The following CD84 variants were observed in gnomAD, a reference collection of about 807,000 sequenced individuals.
CD84 encodes the protein SLAM family member 5.
Under a neutral mutation model 33.8 loss-of-function variants are expected in CD84, and 22 were observed. That is an observed-to-expected ratio of 0.65 (90% CI 0.46 to 0.93). CD84 has a LOEUF of 0.93. Among genes scored for constraint, CD84 ranks in the 40% least tolerant of loss-of-function variants. The probability of loss-of-function intolerance (pLI) is 0.00; values close to 1 mark genes in which losing one functional copy is unlikely to be tolerated. For synonymous variants in CD84, 154 were observed against 145.2 expected (o/e 1.06, Z -0.44); for missense variants, 400 against 397.6 (o/e 1.01, Z -0.05).
intron 3 of CD84, 88 bp downstream of exon 3, chr1:160,553,807 C>T (rs779207444): frequency 1.3e-6 from 2 of 1,588,716 alleles, no homozygotes; most frequent in South Asian, 2.3e-5. Context: ...AAGCACATCT[C>T]CCTAGAGAAT....
chr1:160,567,626 A>G (rs1657413176), intron 1 of CD84, among the ~76,000 whole-genome samples: 1 of 152,182 alleles, frequency 6.6e-6, no homozygotes, highest in South Asian at 2.1e-4. Flanking sequence ...CTAGAAAATA[A>G]GACAGATGTG....
At chr1:160,551,186 A>G (rs1315954821) in intron 4 of CD84, 151 bp from the exon 5 acceptor site, 2 of 665,228 alleles carry the variant, frequency 3.0e-6, no homozygotes, top group Non-Finnish European at 5.4e-6. Context: ...GGATCCTCAG[A>G]ATGTCTCAGG....
At chr1:160,563,678 C>A (rs1189491644) in intron 2 of CD84, among the ~76,000 whole-genome samples, 1 of 152,082 alleles carries the variant, frequency 6.6e-6, no homozygotes, top group Non-Finnish European at 1.5e-5. Context: ...GTGCAGCAAA[C>A]CACCATGGCA....
In CD84 at chr1:160,575,397, C is replaced by A. The variant is rs1356675023; in HGVS notation, c.46+3995G>T. Among the ~76,000 whole-genome samples the A allele has an allele frequency of 3.9e-5, 6 of 152,042 alleles. No individual in the cohort carries two copies. The South Asian group carries it at 1.0e-3, about 26-fold the overall frequency. On this transcript the variant is annotated intron_variant, in intron 1 of 6. Transcript: ENST00000368054. ...TCATGAGGTTTTAAGAAAAAGGAACCTACTACCCCCATGCAATAGTACATT... is the reference window on the plus strand; with the variant it reads ...TCATGAGGTTTTAAGAAAAAGGAACATACTACCCCCATGCAATAGTACATT...
At chr1:160,550,155 A>T (rs1262238387) in intron 5 of CD84, among the ~76,000 whole-genome samples, 176 bp from the exon 6 acceptor site, 1 of 151,076 alleles carries the variant, frequency 6.6e-6, no homozygotes, top group African/African-American at 2.4e-5. Context: ...TCAGGAAGGG[A>T]TAAGGTGGGG....
At position 160,569,540 on chromosome 1, in the gene CD84, ACGCACGCACG is replaced by A. The variant is rs1436424871; in HGVS notation, c.47-3805_47-3796del. On this transcript the variant is annotated intron_variant, in intron 1 of 6. Coordinates refer to ENST00000368054, the MANE Select transcript of CD84 (RefSeq NM_003874.4). ...GATACACACACACACACACACACAC[ACGCACGCACG>A]CACGCACGCACACACACAATTCTCC... Among the ~76,000 whole-genome samples the A allele has an allele frequency of 1.3e-3, 94 of 70,648 alleles. 1 individual carries two copies. Among genetic ancestry groups the A allele is most frequent in the African/African-American group, 3.7e-3 (91 of 24,548 alleles). The allele number at this position is 70,648 out of a possible 152,430, so 46.3% of individuals were successfully genotyped here.
At position 160,554,165 on chromosome 1, in the gene CD84, G is replaced by A; in HGVS notation, c.389-19C>T. 1 of 1,593,346 alleles carries A rather than the reference G, an allele frequency of 6.3e-7. No individual in the cohort carries two copies. The highest frequency in any genetic ancestry group is 8.6e-7 in the Non-Finnish European group (1 of 1,167,874). On this transcript the variant is annotated intron_variant, in intron 2 of 6. Coordinates refer to ENST00000368054, the MANE Select transcript of CD84 (RefSeq NM_003874.4). ...AGCCGACCTGTGGGGGCAAACACAT[G>A]AGCCAATAGTGAGCTGGAGCTGGCT...
chr1:160,579,358 A>G, intron 1 of CD84, 34 bp downstream of exon 1: 1 of 1,612,690 alleles, frequency 6.2e-7, no homozygotes, highest in Non-Finnish European at 8.5e-7. Context: ...CTTTATGGAA[A>G]ACTAGGAGGC....
intron 6 of CD84, among the ~76,000 whole-genome samples, chr1:160,548,859 C>T (rs895037254): frequency 2.6e-5 from 4 of 152,166 alleles, no homozygotes; most frequent in Admixed American, 1.3e-4. Context: ...CTTGAGATGT[C>T]ACAATCCAGG....
At chr1:160,574,076 G>A (rs1657853920) in intron 1 of CD84, among the ~76,000 whole-genome samples, 1 of 151,650 alleles carries the variant, frequency 6.6e-6, no homozygotes, top group African/African-American at 2.4e-5. Context: ...CTGGGTGACA[G>A]GGCAAGACTC....
chr1:160,569,937 T>C (rs891861946), intron 1 of CD84, among the ~76,000 whole-genome samples: 4 of 152,128 alleles, frequency 2.6e-5, no homozygotes, highest in Non-Finnish European at 4.4e-5. Flanking sequence ...AGGGGAACTA[T>C]TAAGGTTTTT....
intron 6 of CD84, among the ~76,000 whole-genome samples, chr1:160,548,562 G>A (rs1279628931): frequency 2.0e-5 from 3 of 152,148 alleles, no homozygotes; most frequent in African/African-American, 7.2e-5. Context: ...AAGAGCAATG[G>A]GAGGGAATGG....
intron 1 of CD84, 113 bp downstream of exon 1, chr1:160,579,279 C>T: frequency 6.9e-7 from 1 of 1,447,572 alleles, no homozygotes; most frequent in Non-Finnish European, 9.6e-7. Context: ...GATACTGAGA[C>T]CCAGGGTGTT....
At chr1:160,569,164 G>A (rs1363365294) in intron 1 of CD84, among the ~76,000 whole-genome samples, 3 of 152,144 alleles carry the variant, frequency 2.0e-5, no homozygotes, top group Non-Finnish European at 4.4e-5. Context: ...TGGTGATGCC[G>A]GGGCCATACT....
At chr1:160,569,094 T>A (rs1657516676) in intron 1 of CD84, among the ~76,000 whole-genome samples, 1 of 152,262 alleles carries the variant, frequency 6.6e-6, no homozygotes, top group Non-Finnish European at 1.5e-5. Context: ...TTCTTTATCA[T>A]CACTTCAACA....
chr1:160,552,624 G>T (rs1434039928), intron 4 of CD84: 2 of 907,424 alleles, frequency 2.2e-6, no homozygotes, highest in Admixed American at 2.0e-5. Context: ...TGCAAATCAC[G>T]TGCTTAGTCT....
chr1:160,576,151 T>C (rs1194100313), intron 1 of CD84, among the ~76,000 whole-genome samples: 1 of 152,122 alleles, frequency 6.6e-6, no homozygotes, highest in Admixed American at 6.6e-5. Context: ...TGGCAGGTTG[T>C]TTTGTCAGCA....
rs1245737417 is a variant in CD84, at chr1:160,542,563, T to C, written c.*5693A>G. ...CTCTGATGAATAATCTATGTAATTA[T>C]TTGCCTACAATAAGAACTTATAAGA... On this transcript the variant is annotated 3_prime_UTR_variant, in exon 7 of 7. Transcript: ENST00000368054. The C allele has an allele frequency of 6.6e-6, 1 of 152,236 alleles. No individual in the cohort carries two copies. The highest frequency in any genetic ancestry group is 1.5e-5 in the Non-Finnish European group (1 of 68,034). The allele number at this position is 152,236 out of a possible 1,614,324, so 9.4% of individuals were successfully genotyped here.
In CD84 at chr1:160,579,359, A is replaced by C. The variant is rs201862515; in HGVS notation, c.46+33T>G. ...GGCAATTTTTAAAACTTTATGGAAAACTAGGAGGCGATCAGCAAGGGTCAG... is the reference window on the plus strand; with the variant it reads ...GGCAATTTTTAAAACTTTATGGAAACCTAGGAGGCGATCAGCAAGGGTCAG... On this transcript the variant is annotated intron_variant, in intron 1 of 6. Coordinates refer to ENST00000368054, the MANE Select transcript of CD84 (RefSeq NM_003874.4). 81 of 1,612,866 alleles carry C rather than the reference A, an allele frequency of 5.0e-5. No homozygotes were observed. The East Asian group carries it at 1.7e-3, about 34-fold the overall frequency.
Sources: allele counts gnomAD v4.1 joint callset (sites outside exome capture counted in the v4.1 genomes callset), GRCh38; gene constraint gnomAD v4.1.1; transcripts MANE v1.5; gene names NCBI Gene and HGNC (gene_info 2026-07-23, HGNC 2026-07-21).